The following PTPRD variants were observed in gnomAD, a reference collection of about 807,000 sequenced individuals.
PTPRD encodes the protein protein tyrosine phosphatase receptor type D, also known as receptor-type tyrosine-protein phosphatase delta.
In PTPRD, 34 loss-of-function variants were observed where a neutral mutation model predicts 214.5. The ratio of observed to expected loss-of-function variants is 0.16; its 90% CI spans 0.12 to 0.21. PTPRD has a LOEUF of 0.21. Ranked by LOEUF, PTPRD falls within the 10% of genes least tolerant of loss-of-function variation. The pLI, the probability that PTPRD is intolerant of heterozygous loss-of-function variation, is 1.00. For missense variants in PTPRD, 2,545 were observed against 2,398.7 expected (o/e 1.06, Z -1.27); for synonymous variants, 1,128 against 845.7 (o/e 1.33, Z -5.79).
chr9:9,740,745 A>G (rs748232094), intron 6 of PTPRD, among the ~76,000 whole-genome samples: 5 of 152,206 alleles, frequency 3.3e-5, no homozygotes, highest in Non-Finnish European at 7.3e-5. Flanking sequence ...TTTTCTCAAT[A>G]CAATAACAAA....
chr9:8,849,471 C>T (rs1031209532), intron 11 of PTPRD, among the ~76,000 whole-genome samples: 7 of 152,150 alleles, frequency 4.6e-5, no homozygotes, highest in African/African-American at 9.7e-5. Context: ...CGTGATCCAC[C>T]GGCCTCGGCC....
At chr9:10,376,242 T>G (rs2097725481) in intron 2 of PTPRD, among the ~76,000 whole-genome samples, 1 of 151,996 alleles carries the variant, frequency 6.6e-6, no homozygotes, top group African/African-American at 2.4e-5. Context: ...ATATGCTACC[T>G]GTTTTTTTTT....
chr9:10,145,354 C>G (rs1165215346), intron 3 of PTPRD, among the ~76,000 whole-genome samples: 2 of 152,070 alleles, frequency 1.3e-5, no homozygotes, highest in African/African-American at 2.4e-5. Context: ...CCTGAAATAC[C>G]AGGACCCACC....
rs71317396 is a variant in PTPRD at position 9,030,276 on chromosome 9, C to CTTTTTT, written c.-142-11547_-142-11542dup. ...TTGGATCACATGGGCCACACTTGGGCTTTTTTTTTTTTTTTTTTTTTTTTT... is the reference window on the plus strand; with the variant it reads ...TTGGATCACATGGGCCACACTTGGGCTTTTTTTTTTTTTTTTTTTTTTTTTTTTTTT... On this transcript the variant is annotated intron_variant, in intron 10 of 45. Transcript: ENST00000381196. Among the ~76,000 whole-genome samples, 183 of 37,918 alleles carry CTTTTTT rather than the reference C, an allele frequency of 4.8e-3. 9 individuals carry two copies. Among genetic ancestry groups the CTTTTTT allele is most frequent in the African/African-American group, 0.015 (139 of 9,200 alleles). The allele number at this position is 37,918 out of a possible 152,430, so 24.9% of individuals were successfully genotyped here.
At position 10,426,416 on chromosome 9, in the gene PTPRD, T is replaced by C. The variant is rs1203606924; in HGVS notation, c.-599-85399A>G. 3.9e-5 allele frequency among the ~76,000 whole-genome samples: 6 copies of C among 152,146 alleles called. No homozygotes were observed. The East Asian group carries it at 1.2e-3, about 30-fold the overall frequency. On this transcript the variant is annotated intron_variant, in intron 2 of 45. Coordinates refer to ENST00000381196, the MANE Select transcript of PTPRD (RefSeq NM_002839.4). The stretch of plus-strand genomic sequence containing the variant: ...CCCAAAAATTTTCGAAGGACTTGTA[T>C]GTATAATTCTACATAATTTTTCTAA...
intron 35 of PTPRD, among the ~76,000 whole-genome samples, chr9:8,424,983 A>G (rs1314879224): frequency 2.6e-5 from 4 of 152,150 alleles, no homozygotes; most frequent in Non-Finnish European, 4.4e-5. Context: ...AATTCATGTA[A>G]TCTCTTAATG....
At chr9:9,128,233 G>A (rs963332785) in intron 10 of PTPRD, among the ~76,000 whole-genome samples, 3 of 152,086 alleles carry the variant, frequency 2.0e-5, no homozygotes, top group Admixed American at 2.0e-4. Context: ...TTGTTAATAG[G>A]TCTTTCTAAA....
chr9:10,520,454 TA>T (rs1371221233), intron 2 of PTPRD, among the ~76,000 whole-genome samples: 1 of 152,070 alleles, frequency 6.6e-6, no homozygotes, highest in Non-Finnish European at 1.5e-5. Flanking sequence ...CTCCATAACA[TA>T]AAAGTGCAAG....
intron 36 of PTPRD, among the ~76,000 whole-genome samples, chr9:8,390,287 A>G (rs970223735): frequency 6.6e-6 from 1 of 152,180 alleles, no homozygotes; most frequent in African/African-American, 2.4e-5. Context: ...AAGCTCTGCA[A>G]CTTCCCAAAC....
At position 10,464,638 on chromosome 9, in the gene PTPRD, G is replaced by A. The variant is rs145027222; in HGVS notation, c.-599-123621C>T. On this transcript the variant is annotated intron_variant, in intron 2 of 45. Transcript: ENST00000381196. The stretch of plus-strand genomic sequence containing the variant: ...AGGAAATAAAAATTATAATAGAAAT[G>A]CATAAAGGTCCTAGTGACCTAATTA... Among the ~76,000 whole-genome samples, 403 of 151,896 alleles carry A rather than the reference G, an allele frequency of 2.7e-3. 2 individuals are homozygous for A. The highest frequency in any genetic ancestry group is 9.4e-3 in the African/African-American group (388 of 41,406).
In PTPRD at chr9:8,875,044, C is replaced by A. The variant is rs570895049; in HGVS notation, c.-103-141098G>T. Among the ~76,000 whole-genome samples, 26 of 152,216 alleles carry A rather than the reference C, an allele frequency of 1.7e-4. No homozygotes were observed. In the South Asian group the frequency reaches 1.9e-3, roughly 11 times the overall value. On this transcript the variant is annotated intron_variant, in intron 11 of 45. Transcript: ENST00000381196. The stretch of plus-strand genomic sequence containing the variant: ...GTGGTAGAGTCTTCAACCTGCACAA[C>A]CATACATGGATGCATTAAAGAGAGT...
chr9:8,453,348 T>C (rs957113165), intron 33 of PTPRD, among the ~76,000 whole-genome samples: 2 of 151,666 alleles, frequency 1.3e-5, no homozygotes, highest in African/African-American at 4.9e-5. Context: ...TATTTTTTAG[T>C]AGAGATGTGG....
At chr9:9,662,759 T>A (rs1399170571) in intron 7 of PTPRD, among the ~76,000 whole-genome samples, 1 of 151,592 alleles carries the variant, frequency 6.6e-6, no homozygotes, top group Non-Finnish European at 1.5e-5. Flanking sequence ...CATAAATTAA[T>A]CCAGAAATGG....
At chr9:8,466,103 G>A (rs915439676) in intron 31 of PTPRD, among the ~76,000 whole-genome samples, 1 of 151,892 alleles carries the variant, frequency 6.6e-6, no homozygotes, top group Non-Finnish European at 1.5e-5. Context: ...CCACATTTTA[G>A]AAGAGGTTAG....
chr9:9,799,398 A>G (rs746409470), intron 5 of PTPRD: 3 of 152,208 alleles, frequency 2.0e-5, no homozygotes, highest in Non-Finnish European at 4.4e-5. Context: ...AGAGGATACT[A>G]AAGTTATCCA....
At chr9:10,174,477 C>G (rs2099233803) in intron 3 of PTPRD, among the ~76,000 whole-genome samples, 1 of 152,092 alleles carries the variant, frequency 6.6e-6, no homozygotes, top group Admixed American at 6.6e-5. Flanking sequence ...TTGGAGACAT[C>G]AGAATTGTGA....
intron 9 of PTPRD, among the ~76,000 whole-genome samples, chr9:9,249,370 T>G (rs1444273361): frequency 6.6e-6 from 1 of 152,054 alleles, no homozygotes; most frequent in East Asian, 1.9e-4. Context: ...CTTTATAAAT[T>G]ACCCAGCCTC....
intron 5 of PTPRD, among the ~76,000 whole-genome samples, chr9:9,909,839 A>G (rs189061620): frequency 4.0e-5 from 6 of 151,782 alleles, no homozygotes; most frequent in Admixed American, 2.6e-4. Context: ...GTTTTTGCCT[A>G]TAAGTTCAAT....
chr9:8,791,636 T>C (rs1393878771), intron 11 of PTPRD, among the ~76,000 whole-genome samples: 1 of 150,362 alleles, frequency 6.7e-6, no homozygotes, highest in East Asian at 2.0e-4. Context: ...CAAGCGATTC[T>C]GGAGGAGAGA....
Sources: allele counts gnomAD v4.1 joint callset (sites outside exome capture counted in the v4.1 genomes callset), GRCh38; gene constraint gnomAD v4.1.1; transcripts MANE v1.5; gene names NCBI Gene and HGNC (gene_info 2026-07-23, HGNC 2026-07-21).